The following EHBP1 variants were observed in gnomAD, a reference collection of about 807,000 sequenced individuals.
EHBP1 encodes EH domain binding protein 1, also known as EH domain-binding protein 1.
EHBP1 carries 55 observed loss-of-function variants against 144.0 expected under a neutral mutation model. That is an observed-to-expected ratio of 0.38 (90% CI 0.31 to 0.48). The LOEUF is 0.48. EHBP1 is among the 20% of genes least tolerant of loss of function. The pLI is 0.98. For missense variants in EHBP1, 1,200 were observed against 1,364.2 expected, an observed-to-expected ratio of 0.88 and a Z score of 1.90; for synonymous variants, 469 against 472.7, an observed-to-expected ratio of 0.99 and a Z score of 0.10.
rs1441521874 is a variant in EHBP1, at chr2:63,045,055, G to A, written c.3278-11G>A. 1.9e-6 allele frequency: 3 copies of A among 1,542,692 alleles called. No individual in the cohort carries two copies. The highest frequency in any genetic ancestry group is 2.6e-6 in the Non-Finnish European group (3 of 1,139,150). The stretch of plus-strand genomic sequence containing the variant: ...CCTGCCGGTGGGTAACTAGCCTCCC[G>A]TCTTCTGCAGACTGGCAGAAGACCG... On this transcript the variant is annotated splice_polypyrimidine_tract_variant and intron_variant, in intron 21 of 22. Coordinates refer to ENST00000431489, the MANE Select transcript of EHBP1 (RefSeq NM_001142616.3). The surrounding 1 kb of genome is among the most constrained non-coding windows in gnomAD (Gnocchi z 5.7).
At chr2:62,975,194 G>A (rs569786755) in intron 14 of EHBP1, among the ~76,000 whole-genome samples, 5 of 152,280 alleles carry the variant, frequency 3.3e-5, no homozygotes, top group East Asian at 3.9e-4. Context: ...TAGTCCTCTC[G>A]CTATATGACT....
At chr2:62,898,896 AGACT>A (rs1278095656) in intron 10 of EHBP1, among the ~76,000 whole-genome samples, 1 of 152,170 alleles carries the variant, frequency 6.6e-6, no homozygotes, top group African/African-American at 2.4e-5. Flanking sequence ...GGTTTTAGAT[AGACT>A]AAGTTTTAGC....
At chr2:63,044,370 A>G (rs1211659778) in intron 21 of EHBP1, 1 of 151,998 alleles carries the variant, frequency 6.6e-6, no homozygotes, top group Non-Finnish European at 1.5e-5. Flanking sequence ...TTTCCTTTGC[A>G]AAAGTGCTTT....
intron 10 of EHBP1, among the ~76,000 whole-genome samples, chr2:62,921,529 A>G (rs989560843): frequency 6.6e-6 from 1 of 151,964 alleles, no homozygotes; most frequent in African/African-American, 2.4e-5. Context: ...TGAGAAAGAA[A>G]TTTTAAAATT....
At chr2:63,037,719 T>C in intron 20 of EHBP1, 85 bp downstream of exon 20, 1 of 761,638 alleles carries the variant, frequency 1.3e-6, no homozygotes, top group South Asian at 1.9e-5. Context: ...GGATTTAATA[T>C]TTATTCGGTA....
chr2:62,993,857 C>CTTT lies in EHBP1; in HGVS notation c.2873-6_2873-4dup. 1 of 1,291,288 alleles carries CTTT rather than the reference C, an allele frequency of 7.7e-7. No individual in the cohort carries two copies. The highest frequency in any genetic ancestry group is 1.0e-6 in the Non-Finnish European group (1 of 960,702). The allele number at this position is 1,291,288 out of a possible 1,614,324, so 80.0% of individuals were successfully genotyped here. The stretch of plus-strand genomic sequence containing the variant: ...TACAATAATTTTACATGTCTTTCCT[C>CTTT]TTTTTTTTTTAAGAGATGAAAAGGC... On this transcript the variant is annotated splice_polypyrimidine_tract_variant and intron_variant, in intron 17 of 22. Transcript: ENST00000431489.
chr2:62,973,085 T>TTGCACTCTTGGTAAGC (rs1490473387), intron 14 of EHBP1, among the ~76,000 whole-genome samples: 1 of 152,200 alleles, frequency 6.6e-6, no homozygotes, highest in Non-Finnish European at 1.5e-5. Context: ...CTACTTTAAA[T>TTGCACTCTTGGTAAGC]TGCACTCTTG....
chr2:62,781,713 T>A (rs1333362118), intron 5 of EHBP1, among the ~76,000 whole-genome samples: 1 of 152,192 alleles, frequency 6.6e-6, no homozygotes, highest in Non-Finnish European at 1.5e-5. Flanking sequence ...TATATTTCAC[T>A]TTTTAAAGAG....
At chr2:62,969,998 A>T (rs1488130429) in intron 14 of EHBP1, among the ~76,000 whole-genome samples, 1 of 152,038 alleles carries the variant, frequency 6.6e-6, no homozygotes, top group Non-Finnish European at 1.5e-5. Context: ...ACCTTCTAAA[A>T]TCTTGTAATT....
chr2:62,769,452 G>A (rs1047811463), intron 4 of EHBP1, among the ~76,000 whole-genome samples: 18 of 152,016 alleles, frequency 1.2e-4, no homozygotes, highest in Non-Finnish European at 1.6e-4. Context: ...AGCTAACCAG[G>A]GAGGTGAAAG....
chr2:62,907,544 C>G (rs2053899387), intron 10 of EHBP1, among the ~76,000 whole-genome samples: 1 of 152,128 alleles, frequency 6.6e-6, no homozygotes, highest in African/African-American at 2.4e-5. Flanking sequence ...TTAGAGATGG[C>G]AGTCTTCTCA....
intron 5 of EHBP1, among the ~76,000 whole-genome samples, chr2:62,822,916 A>G (rs1014175506): frequency 1.3e-5 from 2 of 152,186 alleles, no homozygotes; most frequent in Non-Finnish European, 2.9e-5. Context: ...TTTTTATAAC[A>G]ATGAGAATAG....
At chr2:62,697,436 T>C (rs2034140570) in intron 1 of EHBP1, among the ~76,000 whole-genome samples, 1 of 152,190 alleles carries the variant, frequency 6.6e-6, no homozygotes, top group Non-Finnish European at 1.5e-5. Flanking sequence ...ATAATTGGAT[T>C]TTATTGAGTG....
chr2:62,891,561 TA>T (rs2052462818), intron 10 of EHBP1, among the ~76,000 whole-genome samples: 1 of 152,172 alleles, frequency 6.6e-6, no homozygotes, highest in Non-Finnish European at 1.5e-5. Context: ...GTTTTGGACA[TA>T]CTTTTATTGT....
At chr2:62,997,476 G>GTGTA (rs2059687103) in intron 19 of EHBP1, among the ~76,000 whole-genome samples, 1 of 145,978 alleles carries the variant, frequency 6.9e-6, no homozygotes, top group African/African-American at 2.5e-5. Context: ...GTGTGTGTGT[G>GTGTA]TAAAATGCTG....
chr2:62,808,089 C>A (rs1419240599), intron 5 of EHBP1, among the ~76,000 whole-genome samples: 2 of 151,468 alleles, frequency 1.3e-5, no homozygotes, highest in Non-Finnish European at 2.9e-5. Flanking sequence ...ACATTATATG[C>A]CTAGGTGTAG....
intron 10 of EHBP1, among the ~76,000 whole-genome samples, chr2:62,920,705 T>C (rs77548173): frequency 0.1 from 15,145 of 152,110 alleles, 966 homozygotes; most frequent in Non-Finnish European, 0.14. Context: ...CTGTGTCACC[T>C]GGGGTAGAGT....
intron 10 of EHBP1, among the ~76,000 whole-genome samples, chr2:62,899,796 A>G (rs192009613): frequency 4.7e-4 from 71 of 152,306 alleles, no homozygotes; most frequent in African/African-American, 1.6e-3. Flanking sequence ...TCTGCTGACC[A>G]GTTGGCAGAA....
chr2:62,922,890 T>C (rs1019192019), intron 10 of EHBP1, among the ~76,000 whole-genome samples: 27 of 152,136 alleles, frequency 1.8e-4, no homozygotes, highest in Admixed American at 2.6e-4. Context: ...TTAACCCCCA[T>C]TGCCACTGCA....
Sources: gnomAD v4.1 joint callset for allele counts (sites outside exome capture counted in the v4.1 genomes callset) on GRCh38, gnomAD v4.1.1 for gene constraint, Gnocchi (gnomAD v3.1) non-coding constraint, MANE v1.5 for transcripts, NCBI Gene and HGNC (gene_info 2026-07-23, HGNC 2026-07-21) for gene names.